The following ANKUB1 variants were observed in gnomAD, a reference collection of about 807,000 sequenced individuals.
ANKUB1 encodes ankyrin repeat and ubiquitin domain containing 1.
In ANKUB1, 42 loss-of-function variants were observed where a neutral mutation model predicts 49.3. The ratio of observed to expected loss-of-function variants is 0.85; its 90% confidence interval spans 0.67 to 1.10. ANKUB1 has a LOEUF of 1.10. Among genes scored for constraint, ANKUB1 ranks in the 50% least tolerant of loss-of-function variants. The pLI is 0.00. For missense variants in ANKUB1, 613 were observed against 642.0 expected (o/e 0.95, Z 0.49); for synonymous variants, 222 against 231.0 (o/e 0.96, Z 0.35).
At chr3:149,769,835 T>C (rs1009489444) in intron 4 of ANKUB1, among the ~76,000 whole-genome samples, 7 of 152,340 alleles carry the variant, frequency 4.6e-5, no homozygotes, top group African/African-American at 1.7e-4. Flanking sequence ...ATTCTGATAG[T>C]CTTTAAAAAT....
chr3:149,789,498 G>A (rs1718262328), intron 2 of ANKUB1, among the ~76,000 whole-genome samples: 1 of 152,022 alleles, frequency 6.6e-6, no homozygotes, highest in Non-Finnish European at 1.5e-5. Flanking sequence ...CATTTTCTGA[G>A]TAAAAGAGGC....
chr3:149,762,913 TCA>T (rs1312121407), intron 5 of ANKUB1, among the ~76,000 whole-genome samples: 3 of 152,208 alleles, frequency 2.0e-5, no homozygotes, highest in Non-Finnish European at 2.9e-5. Flanking sequence ...GCTTGCTCTT[TCA>T]CAAAAGTGCC....
At chr3:149,766,726 A>T (rs1224531368) in intron 5 of ANKUB1, 1 of 747,158 alleles carries the variant, frequency 1.3e-6, no homozygotes, top group Non-Finnish European at 2.2e-6. Context: ...TGAGCCTAGG[A>T]ATTCAAGAAT....
chr3:149,780,600 G>T, intron 2 of ANKUB1, 145 bp from the exon 3 acceptor site: 1 of 643,750 alleles, frequency 1.6e-6, no homozygotes, highest in South Asian at 1.9e-5. Flanking sequence ...CTGCCTTCTG[G>T]TCTGAGTCTA....
chr3:149,787,967 A>G (rs1022220531), intron 2 of ANKUB1, among the ~76,000 whole-genome samples: 2 of 152,218 alleles, frequency 1.3e-5, no homozygotes, highest in Non-Finnish European at 2.9e-5. Context: ...TTGGGTTCAC[A>G]TTATGATATT....
chr3:149,768,554 C>T (rs573040635), intron 4 of ANKUB1, among the ~76,000 whole-genome samples: 41 of 150,960 alleles, frequency 2.7e-4, no homozygotes, highest in African/African-American at 9.6e-4. Flanking sequence ...CTCCATCCCC[C>T]CTCCCCAGAC....
intron 3 of ANKUB1, among the ~76,000 whole-genome samples, chr3:149,775,259 T>C (rs552678772): frequency 3.3e-5 from 5 of 152,274 alleles, no homozygotes; most frequent in Admixed American, 3.3e-4. Flanking sequence ...GACTTTTTCT[T>C]CCTGAATATG....
rs1451727317 is a variant in ANKUB1, at chr3:149,790,908, G to A, written c.107C>T (p.Pro36Leu). The change falls in exon 2 of 6, where the codon CCT becomes CTT. Residue 36 changes from proline (P) to leucine (L), a missense_variant. Pro to Leu is a moderately conservative substitution (Grantham distance 98, BLOSUM62 -3). Coordinates refer to ENST00000446160, the MANE Select transcript of ANKUB1 (RefSeq NM_001144960.3). The part of the protein sequence containing the change: ...KLMIKDYFHI[P>L]LSEDKQGRRY... ...CCTGCCTTGTTTGTCTTCAGAGAGA[G>A]GAATGTGGAAATAATCCTTAAAAAT... 6.4e-7 allele frequency: 1 copy of A among 1,551,412 alleles called. No individual in the cohort carries two copies.
chr3:149,780,690 G>A (rs1399814146), intron 2 of ANKUB1, among the ~76,000 whole-genome samples: 1 of 152,204 alleles, frequency 6.6e-6, no homozygotes, highest in Non-Finnish European at 1.5e-5. Context: ...GAGACCCTTT[G>A]ACTTCTTAGT....
At chr3:149,786,744 G>T (rs1718116249) in intron 2 of ANKUB1, among the ~76,000 whole-genome samples, 1 of 152,128 alleles carries the variant, frequency 6.6e-6, no homozygotes, top group Non-Finnish European at 1.5e-5. Context: ...AATCCATCTT[G>T]AATTAATTTT....
intron 4 of ANKUB1, among the ~76,000 whole-genome samples, chr3:149,769,554 G>A (rs59285059): frequency 0.078 from 11,833 of 152,186 alleles, 622 homozygotes; most frequent in East Asian, 0.27. Flanking sequence ...AGTCTAAAAT[G>A]CATTTAATAC....
chr3:149,765,893 T>G (rs1429511585), intron 5 of ANKUB1, among the ~76,000 whole-genome samples: 3 of 152,232 alleles, frequency 2.0e-5, no homozygotes, highest in Non-Finnish European at 4.4e-5. Context: ...CTCACTCTGT[T>G]GGATATTGAA....
At chr3:149,774,685 C>T (rs553439749) in intron 3 of ANKUB1, among the ~76,000 whole-genome samples, 33 of 152,290 alleles carry the variant, frequency 2.2e-4, no homozygotes, top group African/African-American at 5.8e-4. Context: ...GCAAATATTA[C>T]GGGTGTTATA....
rs758386161 is a variant in ANKUB1, at chr3:149,764,655, CTTCCTTCTTTCTTTCT to C, written c.1505+2486_1505+2501del. Among the ~76,000 whole-genome samples, 535 of 119,574 alleles carry C rather than the reference CTTCCTTCTTTCTTTCT, an allele frequency of 4.5e-3. 3 individuals carry two copies. The highest frequency in any genetic ancestry group is 0.017 in the South Asian group (57 of 3,404). 78.4% of individuals were successfully genotyped at this position (119,574 alleles called of 152,430 possible). A position where few individuals can be genotyped will look rare whatever the true frequency, so the allele number is the denominator to read the frequency against. On this transcript the variant is annotated intron_variant, in intron 5 of 5. Coordinates refer to ENST00000446160, the MANE Select transcript of ANKUB1 (RefSeq NM_001144960.3). ...CCCTTCCTCTCTCTTTCTTTCTTTC[CTTCCTTCTTTCTTTCT>C]TTTTCTTTCCTTCCTTCCTTCTTTC...
chr3:149,767,966 A>C lies in ANKUB1; in HGVS notation c.696T>G (p.His232Gln). 1 of 1,541,894 alleles carries C rather than the reference A, an allele frequency of 6.5e-7. No individual in the cohort carries two copies. Among genetic ancestry groups the C allele is most frequent in the Non-Finnish European group, 8.8e-7 (1 of 1,139,508 alleles). ...TAGAGACATCTGCATGAAGGGCTTC[A>C]TGGCACCATGCTCGATAGGGGTGAA... ...VGVHPYRAWC[H>Q]EALHADVSKC... Residue 232 changes from histidine (H) to glutamine (Q), a missense_variant, in exon 5 of 6, where the codon CAT (histidine) becomes CAG (glutamine). His to Gln is a conservative substitution (Grantham distance 24, BLOSUM62 0). Coordinates refer to ENST00000446160, the MANE Select transcript of ANKUB1 (RefSeq NM_001144960.3).
At position 149,766,763 on chromosome 3, in the gene ANKUB1, A is replaced by G. The variant is rs1717034412; in HGVS notation, c.1505+394T>C. On this transcript the variant is annotated intron_variant, in intron 5 of 5. Transcript: ENST00000446160. ...CAATGAGCTGTGATAGCACCACTGC[A>G]CTCCAGCCTGAGCAACAGAACGAGA... 1.6e-5 allele frequency: 15 copies of G among 945,186 alleles called. 1 individual carries two copies. In the South Asian group the frequency reaches 2.1e-4, roughly 13 times the overall value. 58.5% of individuals were successfully genotyped at this position (945,186 alleles called of 1,614,324 possible). A position where few individuals can be genotyped will look rare whatever the true frequency, so the allele number is the denominator to read the frequency against.
chr3:149,766,048 T>C (rs1298640679), intron 5 of ANKUB1, among the ~76,000 whole-genome samples: 1 of 152,146 alleles, frequency 6.6e-6, no homozygotes, highest in African/African-American at 2.4e-5. Context: ...TTATATTGAG[T>C]AAAGGGAAAA....
At chr3:149,790,984 G>C (rs1441536356) in intron 1 of ANKUB1, 60 bp from the exon 2 acceptor site, 1 of 1,471,660 alleles carries the variant, frequency 6.8e-7, no homozygotes, top group Non-Finnish European at 9.1e-7. Context: ...GACCAGAAAT[G>C]TACTCTCTTT....
chr3:149,776,071 ATCT>A (rs1405193469), intron 3 of ANKUB1, among the ~76,000 whole-genome samples: 3 of 152,126 alleles, frequency 2.0e-5, no homozygotes, highest in African/African-American at 7.2e-5. Flanking sequence ...TTCATTACTC[ATCT>A]TCTTCTTAAT....
Sources: gnomAD v4.1 joint callset for allele counts (sites outside exome capture counted in the v4.1 genomes callset) on GRCh38, gnomAD v4.1.1 for gene constraint, MANE v1.5 for transcripts, NCBI Gene and HGNC (gene_info 2026-07-23, HGNC 2026-07-21) for gene names.